The following MFSD11 variants were observed in gnomAD, a reference collection of about 807,000 sequenced individuals.
MFSD11 encodes the protein major facilitator superfamily domain containing 11, also known as UNC93-like protein MFSD11.
In MFSD11, 36 loss-of-function variants were observed where a neutral mutation model predicts 53.5. The observed-to-expected ratio is 0.67, with a 90% CI of 0.52 to 0.89. The LOEUF is 0.89. MFSD11 is among the 40% of genes least tolerant of loss of function. MFSD11 has a pLI of 0.00. For missense variants in MFSD11, 530 were observed against 543.9 expected (o/e 0.97, Z 0.25); for synonymous variants, 186 against 184.9 (o/e 1.01, Z -0.05).
At chr17:76,754,615 T>TG (rs2079388382) in intron 8 of MFSD11, among the ~76,000 whole-genome samples, 3 of 136,632 alleles carry the variant, frequency 2.2e-5, no homozygotes, top group African/African-American at 5.6e-5. Context: ...ACCTGGGAGG[T>TG]GGAGGTTGTA....
chr17:76,766,070 C>T (rs1384013551), intron 8 of MFSD11, among the ~76,000 whole-genome samples: 3 of 149,888 alleles, frequency 2.0e-5, no homozygotes, highest in Admixed American at 6.7e-5. Context: ...TAGGATCATA[C>T]TAGATAATCT....
intron 11 of MFSD11, among the ~76,000 whole-genome samples, chr17:76,775,395 T>C (rs2081729051): frequency 6.6e-6 from 1 of 152,206 alleles, no homozygotes; most frequent in East Asian, 1.9e-4. Context: ...ACTAAATCTT[T>C]TTCTTGATCC....
At chr17:76,796,447 G>A in the MFSD11 span, among the ~76,000 whole-genome samples, 4 of 152,054 alleles carry the variant, frequency 2.6e-5, no homozygotes, top group Admixed American at 2.6e-4. Context: ...TAATATCCTC[G>A]ACATTGACTA....
At chr17:76,754,751 GA>G (rs1230921898) in intron 8 of MFSD11, among the ~76,000 whole-genome samples, 1 of 151,180 alleles carries the variant, frequency 6.6e-6, no homozygotes, top group East Asian at 1.9e-4. Context: ...CAGTGACCCA[GA>G]AGGTAGTAAG....
rs575373697 is a variant in MFSD11 at position 76,770,130 on chromosome 17, C to T, written c.874+259C>T. On this transcript the variant is annotated intron_variant, in intron 10 of 12. Transcript: ENST00000685175. The stretch of plus-strand genomic sequence containing the variant: ...TCAGCTCACTGCAAGCTCCGCCTCC[C>T]GGGTTCACGCCATTCTTCTGCCTCA... Among the ~76,000 whole-genome samples the T allele has an allele frequency of 6.6e-5, 10 of 151,110 alleles. No homozygotes were observed. The East Asian group carries it at 7.8e-4, about 12-fold the overall frequency.
chr17:76,774,799 T>C (rs757242712), intron 10 of MFSD11, among the ~76,000 whole-genome samples, 198 bp from the exon 11 acceptor site: 9 of 152,224 alleles, frequency 5.9e-5, no homozygotes, highest in Non-Finnish European at 1.0e-4. Flanking sequence ...ATGCAAGTCA[T>C]TTTGATACCT....
chr17:76,738,531 A>C, intron 1 of MFSD11, 83 bp downstream of exon 1: 1 of 966,686 alleles, frequency 1.0e-6, no homozygotes, highest in Non-Finnish European at 1.6e-6. Flanking sequence ...ATTATATCTA[A>C]TAGCGCGCTT....
At chr17:76,749,531 CA>C (rs36069386) in intron 7 of MFSD11, among the ~76,000 whole-genome samples, 4 of 144,072 alleles carry the variant, frequency 2.8e-5, no homozygotes. Context: ...GAGCCTGTCT[CA>C]AAAAAAAAAA....
chr17:76,743,102 A>G (rs942914633), intron 5 of MFSD11, among the ~76,000 whole-genome samples: 4 of 152,204 alleles, frequency 2.6e-5, no homozygotes, highest in Non-Finnish European at 5.9e-5. Flanking sequence ...CCAGGGAGTC[A>G]TTTCCAGAGT....
At chr17:76,777,481 C>T (rs540134541) in intron 12 of MFSD11, among the ~76,000 whole-genome samples, 10 of 152,140 alleles carry the variant, frequency 6.6e-5, no homozygotes, top group Non-Finnish European at 1.3e-4. Context: ...GTGATCCGCC[C>T]GCTTGGGCCC....
At chr17:76,750,524 T>C (rs1412578844) in intron 7 of MFSD11, among the ~76,000 whole-genome samples, 1 of 151,732 alleles carries the variant, frequency 6.6e-6, no homozygotes, top group Non-Finnish European at 1.5e-5. Flanking sequence ...GCCCGGCTAA[T>C]TTTTTGTATT....
chr17:76,763,044 C>G (rs73999404), intron 8 of MFSD11, among the ~76,000 whole-genome samples: 13,035 of 152,096 alleles, frequency 0.086, 1,823 homozygotes, highest in African/African-American at 0.29. Context: ...CTGAACTCCC[C>G]CAATGGTAAT....
chr17:76,778,344 A>G lies in MFSD11; in HGVS notation c.1342A>G (p.Ser448Gly). 6.2e-7 allele frequency: 1 copy of G among 1,614,186 alleles called. No individual in the cohort carries two copies. The highest frequency in any genetic ancestry group is 8.5e-7 in the Non-Finnish European group (1 of 1,180,036). ...TGTAGCCCGCGGCTCTGACTACCGA[A>G]GTATCTGATCTGGTGTCCGTGAGGG... ...AFVARGSDYRSI is the reference protein window; with the variant it reads ...AFVARGSDYRGI The change falls in exon 13 of 13, where the codon AGT becomes GGT. Residue 448 changes from serine (S) to glycine (G), a missense_variant. Coordinates refer to ENST00000685175, the MANE Select transcript of MFSD11 (RefSeq NM_001242532.5).
intron 12 of MFSD11, among the ~76,000 whole-genome samples, chr17:76,777,938 CA>C (rs1257883200): frequency 6.6e-6 from 1 of 152,140 alleles, no homozygotes; most frequent in African/African-American, 2.4e-5. Flanking sequence ...CTTGGCCTCC[CA>C]AAGTGTTGGG....
chr17:76,743,953 AT>A (rs2078321925), intron 6 of MFSD11, among the ~76,000 whole-genome samples: 1 of 152,146 alleles, frequency 6.6e-6, no homozygotes, highest in Admixed American at 6.5e-5. Context: ...GTTTATGACT[AT>A]GCTTTAAGGG....
At chr17:76,780,135 A>G (rs1304863620), downstream of MFSD11, among the ~76,000 whole-genome samples, 1 of 152,184 alleles carries the variant, frequency 6.6e-6, no homozygotes, top group Non-Finnish European at 1.5e-5. Context: ...TCCCATTTTA[A>G]AGTGTACATT....
At chr17:76,763,145 G>A (rs2080453957) in intron 8 of MFSD11, among the ~76,000 whole-genome samples, 1 of 152,190 alleles carries the variant, frequency 6.6e-6, no homozygotes, top group African/African-American at 2.4e-5. Flanking sequence ...GGGTCATGTG[G>A]TATCTGACTG....
rs767029173 is a variant in MFSD11 at position 76,743,465 on chromosome 17, T to C, written c.496+9T>C. 16 of 1,551,322 alleles carry C rather than the reference T, an allele frequency of 1.0e-5. No homozygotes were observed. In the South Asian group the frequency reaches 2.0e-4, roughly 19 times the overall value. ...GAAAACTCAGATATCAGGTTTGTTT[T>C]ATTCGCGTTGCTTTATTCAGATATG... On this transcript the variant is annotated intron_variant, in intron 6 of 12. Transcript: ENST00000685175.
chr17:76,778,689 A>G lies in MFSD11; in HGVS notation c.*337A>G, dbSNP rs964198033. On this transcript the variant is annotated 3_prime_UTR_variant, in exon 13 of 13. Coordinates refer to ENST00000685175, the MANE Select transcript of MFSD11 (RefSeq NM_001242532.5). ...TTGGAAGATCCTGCCTTGATTTAGA[A>G]TACTAGGCCATATGTCATATAAATA... The G allele has an allele frequency of 4.6e-6, 1 of 218,768 alleles. No homozygotes were observed. The allele number at this position is 218,768 out of a possible 1,614,324, so 13.6% of individuals were successfully genotyped here.
Sources: gnomAD v4.1 joint callset for allele counts (sites outside exome capture counted in the v4.1 genomes callset) on GRCh38, gnomAD v4.1.1 for gene constraint, MANE v1.5 for transcripts, NCBI Gene and HGNC (gene_info 2026-07-23, HGNC 2026-07-21) for gene names.